ZNF606: variants seen among roughly 807,000 people sequenced by gnomAD.
The protein encoded by ZNF606 is zinc finger protein 328.
In ZNF606, 37 loss-of-function variants were observed where a neutral mutation model predicts 74.9. That is an observed-to-expected ratio of 0.49 (90% CI 0.38 to 0.65). ZNF606 has a LOEUF of 0.65. Among genes scored for constraint, ZNF606 ranks in the 30% least tolerant of loss-of-function variants. The probability of loss-of-function intolerance (pLI) is 0.00; values close to 1 mark genes in which losing one functional copy is unlikely to be tolerated. For synonymous variants in ZNF606, 328 were observed against 312.4 expected (o/e 1.05, Z -0.53); for missense variants, 852 against 952.9 (o/e 0.89, Z 1.39).
chr19:58,000,035 G>A, intron 3 of ZNF606, 139 bp from the exon 4 acceptor site: 1 of 700,892 alleles, frequency 1.4e-6, no homozygotes, highest in South Asian at 2.0e-5. Flanking sequence ...ATAGATGAAG[G>A]AATTAGGGCT....
intron 4 of ZNF606, among the ~76,000 whole-genome samples, chr19:57,993,226 G>A (rs2073286413): frequency 6.6e-6 from 1 of 152,190 alleles, no homozygotes; most frequent in South Asian, 2.1e-4. Flanking sequence ...GTTGTTCTAA[G>A]CTATAAAGTC....
In ZNF606 at chr19:57,979,781, T is replaced by G. The variant is rs112271570; in HGVS notation, c.899A>C (p.His300Pro). Residue 300 changes from histidine (H) to proline (P), a missense_variant, in exon 7 of 7, where the codon CAT becomes CCT. Physicochemically the swap from His to Pro is moderately conservative, Grantham distance 77. Transcript: ENST00000551380. ...KCTDAVKSFN[H>P]IIHFGDHKGI... ...TTTATGATCACCAAAATGTATTATA[T>G]GATTGAAAGATTTAACAGCATCAGT... 6.2e-7 allele frequency: 1 copy of G among 1,613,372 alleles called. No homozygotes were observed. The highest frequency in any genetic ancestry group is 1.7e-5 in the Admixed American group (1 of 59,998).
rs201603717 is a variant in ZNF606 at position 57,989,333 on chromosome 19, AT to A, written c.178-613del. On this transcript the variant is annotated intron_variant, in intron 4 of 6. Transcript: ENST00000551380. ...CATTAGTTACAAGCAATCTAAACTGATTTTTTTTTTTAATGAAAGCAAGAAA... is the reference window on the plus strand; with the variant it reads ...CATTAGTTACAAGCAATCTAAACTGATTTTTTTTTTAATGAAAGCAAGAAA... Among the ~76,000 whole-genome samples the A allele has an allele frequency of 1.8e-3, 265 of 149,032 alleles. 4 individuals carry two copies. The East Asian group carries it at 0.032, about 18-fold the overall frequency.
intron 4 of ZNF606, among the ~76,000 whole-genome samples, chr19:57,991,417 T>C (rs1375043698): frequency 6.6e-6 from 1 of 152,198 alleles, no homozygotes; most frequent in Non-Finnish European, 1.5e-5. Flanking sequence ...CAATGACAAC[T>C]TCTTGGTTTT....
Position 57,979,280 on chromosome 19 carries a change from C to T in ZNF606, c.1400G>A (p.Trp467Ter), listed in dbSNP as rs759153934. The part of the protein sequence containing the change: ...ECNKCGKAFS[W>*]NSHLIVHKRI... The stretch of plus-strand genomic sequence containing the variant: ...CTTATGTACAATAAGATGAGAATTC[C>T]AGCTGAAGGCTTTTCCACATTTATT... The change falls in exon 7 of 7, where the codon TGG (tryptophan) becomes TAG (stop). Residue 467 changes from tryptophan (W) to a stop codon, truncating the protein, a stop_gained. Coordinates refer to ENST00000551380, the MANE Select transcript of ZNF606 (RefSeq NM_001348022.3). LOFTEE classifies it high-confidence loss of function. 1 of 1,613,832 alleles carries T rather than the reference C, an allele frequency of 6.2e-7. No homozygotes were observed. Among genetic ancestry groups the T allele is most frequent in the South Asian group, 1.1e-5 (1 of 91,050 alleles).
At chr19:57,990,539 C>CAA (rs1028844010) in intron 4 of ZNF606, among the ~76,000 whole-genome samples, 35 of 51,688 alleles carry the variant, frequency 6.8e-4, no homozygotes, top group South Asian at 2.0e-3. Context: ...AACCCAGTCT[C>CAA]AAAAAAAAAA....
At chr19:57,997,558 G>C (rs1455480882) in intron 4 of ZNF606, 1 of 152,224 alleles carries the variant, frequency 6.6e-6, no homozygotes, top group Non-Finnish European at 1.5e-5. Context: ...TGTGGGGAGG[G>C]GGGCCAGCCA....
Position 57,980,069 on chromosome 19 carries a change from A to G in ZNF606, c.611T>C (p.Val204Ala). 6.2e-7 allele frequency: 1 copy of G among 1,613,810 alleles called. No individual in the cohort carries two copies. The highest frequency in any genetic ancestry group is 8.5e-7 in the Non-Finnish European group (1 of 1,180,028). ...MRQMVFMQKQ[V>A]LSQRSSEFCG... ...GAATTCAGAGCTTCTCTGGGATAGTACTTGCTTTTGCATGAAGACCATCTG... is the reference window on the plus strand; with the variant it reads ...GAATTCAGAGCTTCTCTGGGATAGTGCTTGCTTTTGCATGAAGACCATCTG... The change falls in exon 7 of 7, where the codon GTA becomes GCA. Residue 204 changes from valine (V) to alanine (A), a missense_variant. Around this residue, in one of 3 missense-constraint regions of ZNF606, gnomAD observed 545 missense variants for 542.5 expected, o/e 1.00. Transcript: ENST00000551380.
Position 57,988,209 on chromosome 19 carries a change from G to A in ZNF606, c.398C>T (p.Pro133Leu). The A allele has an allele frequency of 6.2e-7, 1 of 1,613,278 alleles. No individual in the cohort carries two copies. Among genetic ancestry groups the A allele is most frequent in the Non-Finnish European group, 8.5e-7 (1 of 1,179,578 alleles). The change falls in exon 6 of 7, where the codon CCA becomes CTA. Residue 133 changes from proline to leucine, a missense_variant and splice_region_variant. Physicochemically the swap from Pro to Leu is moderately conservative, Grantham distance 98. This residue lies in a region of ZNF606 where 545 missense variants were observed against 542.5 expected (regional missense o/e 1.00). Coordinates refer to ENST00000551380, the MANE Select transcript of ZNF606 (RefSeq NM_001348022.3). ...TTCAGCCTGGGGTCTGCCCTCACCT[G>A]GACAAGTGCGTTGAGGACATGCCTG... The part of the protein sequence containing the change: ...VEQACPQRTC[P>L]EWVRNLESKA...
chr19:57,987,936 G>A (rs747767446), intron 6 of ZNF606, among the ~76,000 whole-genome samples: 2 of 152,306 alleles, frequency 1.3e-5, no homozygotes, highest in East Asian at 1.9e-4. Flanking sequence ...ATTTGAAGTA[G>A]CTACATGGAT....
intron 4 of ZNF606, 191 bp downstream of exon 4, chr19:57,999,617 T>C (rs2073386542): frequency 3.3e-6 from 2 of 604,040 alleles, no homozygotes; most frequent in African/African-American, 1.8e-5. Context: ...GTGGACAGAC[T>C]GGTTGACACT....
At chr19:57,990,398 G>C (rs2073239611) in intron 4 of ZNF606, among the ~76,000 whole-genome samples, 1 of 151,648 alleles carries the variant, frequency 6.6e-6, no homozygotes, top group Non-Finnish European at 1.5e-5. Context: ...CAGGCCAAGT[G>C]TGGTGGTGCA....
chr19:57,981,513 C>G (rs2073085607), intron 6 of ZNF606, among the ~76,000 whole-genome samples: 1 of 152,086 alleles, frequency 6.6e-6, no homozygotes. Context: ...GCACACAAGG[C>G]CTTTAGCAAG....
intron 3 of ZNF606, chr19:58,000,247 A>G: frequency 7.5e-6 from 3 of 400,656 alleles, no homozygotes; most frequent in Non-Finnish European, 4.4e-6. Context: ...TTTGAGACTG[A>G]GTCTCGCTCT....
intron 4 of ZNF606, among the ~76,000 whole-genome samples, chr19:57,989,742 C>T (rs1200815527): frequency 4.0e-5 from 6 of 151,862 alleles, no homozygotes; most frequent in Admixed American, 3.3e-4. Context: ...CCACTGCACC[C>T]AGCTTCGAGT....
rs73569702 is a variant in ZNF606, at chr19:57,980,134, T to C, written c.546A>G (p.Gln182=). The stretch of plus-strand genomic sequence containing the variant: ...TCTGGTTCATGTGGTACATTTCTAA[T>C]TGGTCTTTACATCCCAAAACTTCTA... ...SRLEVLGCKD[Q]LEMYHMNQST... Residue 182 remains glutamine (Q), a synonymous_variant, in exon 7 of 7, where the codon CAA becomes CAG. Transcript: ENST00000551380. 7,295 of 1,614,130 alleles carry C rather than the reference T, an allele frequency of 4.5e-3. 278 individuals carry two copies. In the African/African-American group the frequency reaches 0.086, roughly 19 times the overall value.
intron 6 of ZNF606, among the ~76,000 whole-genome samples, chr19:57,987,699 G>A (rs1165455310): frequency 1.3e-5 from 2 of 151,916 alleles, no homozygotes; most frequent in Non-Finnish European, 2.9e-5. Context: ...ATGGTGGCGG[G>A]TGCCTGTAAT....
At chr19:57,989,740 C>T (rs577996777) in intron 4 of ZNF606, among the ~76,000 whole-genome samples, 1 of 151,976 alleles carries the variant, frequency 6.6e-6, no homozygotes, top group African/African-American at 2.4e-5. Context: ...AGCCACTGCA[C>T]CCAGCTTCGA....
chr19:57,999,796 G>A lies in ZNF606; in HGVS notation c.177+12C>T. The A allele has an allele frequency of 6.2e-7, 1 of 1,613,380 alleles. No homozygotes were observed. Among genetic ancestry groups the A allele is most frequent in the Non-Finnish European group, 8.5e-7 (1 of 1,179,454 alleles). ...GACATCATCCTCTGGGAACAGGACA[G>A]CCCCATCTCACCTGAACCTGGGCTG... On this transcript the variant is annotated intron_variant, in intron 4 of 6. Coordinates refer to ENST00000551380, the MANE Select transcript of ZNF606 (RefSeq NM_001348022.3).
Sources: allele counts gnomAD v4.1 joint callset (sites outside exome capture counted in the v4.1 genomes callset), GRCh38; gene constraint gnomAD v4.1.1; regional missense constraint gnomAD v4.1.1; transcripts MANE v1.5; gene names NCBI Gene and HGNC (gene_info 2026-07-23, HGNC 2026-07-21).